Variants in PHF19 observed in about 807,000 individuals in gnomAD.
PHF19 encodes PHD finger protein 19, also known as polycomb like 3.
In PHF19, 21 loss-of-function variants were observed where a neutral mutation model predicts 79.8. The observed-to-expected ratio is 0.26, with a 90% CI of 0.19 to 0.38. The LOEUF (loss-of-function observed/expected upper bound fraction) is 0.38, where lower values mean the gene tolerates loss of function less well. Ranked by LOEUF, PHF19 falls within the 10% of genes least tolerant of loss-of-function variation. The probability of loss-of-function intolerance (pLI) is 1.00; values close to 1 mark genes in which losing one functional copy is unlikely to be tolerated. For synonymous variants in PHF19, 273 were observed against 296.3 expected (o/e 0.92, Z 0.81); for missense variants, 445 against 744.2 (o/e 0.60, Z 4.68).
intron 1 of PHF19, among the ~76,000 whole-genome samples, chr9:120,890,273 C>CT (rs10658749): frequency 0.014 from 1,558 of 115,338 alleles, 38 homozygotes; most frequent in African/African-American, 0.041. Flanking sequence ...AATGAGCCTG[C>CT]TTTTTTTTTT....
In PHF19 at chr9:120,858,173, T is replaced by G. The variant is rs1253815268; in HGVS notation, c.1514A>C (p.Glu505Ala). 6.2e-7 allele frequency: 1 copy of G among 1,608,686 alleles called. No homozygotes were observed. Among genetic ancestry groups the G allele is most frequent in the African/African-American group, 1.3e-5 (1 of 74,972 alleles). ...TGGCCGCTCGGGGACTGAAGCCCCC[T>G]CTGCACTGCTGTCCGAGGGGCAGCG... ...DGRCPSDSSAEGASVPERPDE... is the reference protein window; with the variant it reads ...DGRCPSDSSAAGASVPERPDE... Residue 505 changes from glutamate to alanine, a missense_variant, in exon 15 of 15, where the codon GAG (glutamate) becomes GCG (alanine). By Grantham distance (107) the Glu-to-Ala change is moderately radical (BLOSUM62 -1). Around this residue, in one of 5 missense-constraint regions of PHF19, gnomAD observed 125 missense variants for 180.5 expected, o/e 0.69. Transcript: ENST00000373896.
chr9:120,896,717 T>G (rs2046405907), upstream of PHF19, among the ~76,000 whole-genome samples: 1 of 151,840 alleles, frequency 6.6e-6, no homozygotes, highest in Non-Finnish European at 1.5e-5. Flanking sequence ...CCTCCCAAAG[T>G]GCTGGGATTA....
upstream of PHF19, among the ~76,000 whole-genome samples, chr9:120,880,221 AC>A (rs1220363333): frequency 2.0e-5 from 3 of 152,260 alleles, no homozygotes; most frequent in African/African-American, 7.2e-5. Context: ...TAGGCCAGGC[AC>A]TGTGGCTCAT....
chr9:120,858,169 C>A lies in PHF19; in HGVS notation c.1518G>T (p.Gly506=). ...CGTCTGGCCGCTCGGGGACTGAAGCCCCCTCTGCACTGCTGTCCGAGGGGC... is the reference window on the plus strand; with the variant it reads ...CGTCTGGCCGCTCGGGGACTGAAGCACCCTCTGCACTGCTGTCCGAGGGGC... ...GRCPSDSSAE[G]ASVPERPDEG... Residue 506 remains glycine, a synonymous_variant, in exon 15 of 15, where the codon GGG becomes GGT. Coordinates refer to ENST00000373896, the MANE Select transcript of PHF19 (RefSeq NM_015651.3). 1 of 1,610,636 alleles carries A rather than the reference C, an allele frequency of 6.2e-7. No homozygotes were observed. The highest frequency in any genetic ancestry group is 8.5e-7 in the Non-Finnish European group (1 of 1,177,220).
At chr9:120,894,693 C>G in intron 1 of PHF19, 1 of 466,306 alleles carries the variant, frequency 2.1e-6, no homozygotes, top group Non-Finnish European at 3.3e-6. Flanking sequence ...CCGCTCAATG[C>G]GTTCCATATG....
rs376236757 is a variant in PHF19 at position 120,864,139 on chromosome 9, G to A, written c.901-23C>T. On this transcript the variant is annotated intron_variant, in intron 9 of 14. Transcript: ENST00000373896. ...GAGCTGTGGGAGAGCAGGCCAGCAGGACATCAGACCCAGGCATATGGCGCA... is the reference window on the plus strand; with the variant it reads ...GAGCTGTGGGAGAGCAGGCCAGCAGAACATCAGACCCAGGCATATGGCGCA... The A allele has an allele frequency of 3.1e-6, 5 of 1,609,870 alleles. No homozygotes were observed. In the African/African-American group the frequency reaches 5.3e-5, roughly 17 times the overall value.
At chr9:120,873,789 T>C (rs1292788683) in intron 3 of PHF19, among the ~76,000 whole-genome samples, 190 bp downstream of exon 3, 1 of 152,206 alleles carries the variant, frequency 6.6e-6, no homozygotes, top group Non-Finnish European at 1.5e-5. Flanking sequence ...AGGGGATGAC[T>C]CATGTCCTAA....
chr9:120,896,462 T>G (rs1322589479), upstream of PHF19, among the ~76,000 whole-genome samples: 1 of 145,030 alleles, frequency 6.9e-6, no homozygotes, highest in Non-Finnish European at 1.5e-5. Context: ...TTTTTTTTTT[T>G]TTTTTTTGAG....
chr9:120,866,241 AG>A lies in PHF19; in HGVS notation c.711-146del, dbSNP rs1285269821. 1.0e-5 allele frequency: 7 copies of A among 684,376 alleles called. No individual in the cohort carries two copies. The African/African-American group carries it at 1.1e-4, about 10-fold the overall frequency. The allele number at this position is 684,376 out of a possible 1,614,324, so 42.4% of individuals were successfully genotyped here. ...CTGCTGGCCACTGGGGGTCAAGGAC[AG>A]GGCAGGACAGGGACTAAGAGATACC... On this transcript the variant is annotated intron_variant, in intron 7 of 14. Transcript: ENST00000373896. This position sits in a 1 kb window ranked among gnomAD's most constrained non-coding sequence, Gnocchi z 5.2.
At position 120,860,962 on chromosome 9, in the gene PHF19, T is replaced by G. The variant is rs941703293; in HGVS notation, c.1304+127A>C. 2 of 681,996 alleles carry G rather than the reference T, an allele frequency of 2.9e-6. No homozygotes were observed. Among genetic ancestry groups the G allele is most frequent in the South Asian group, 1.6e-5 (1 of 64,110 alleles). 42.2% of individuals were successfully genotyped at this position (681,996 alleles called of 1,614,324 possible). ...GGAACAGGGATGTTATGCTGAAAGC[T>G]CTACTGCAAAAAGCCCCTTCAGACA... On this transcript the variant is annotated intron_variant, in intron 13 of 14. Coordinates refer to ENST00000373896, the MANE Select transcript of PHF19 (RefSeq NM_015651.3). The surrounding 1 kb of genome is among the most constrained non-coding windows in gnomAD (Gnocchi z 4.1).
In PHF19 at chr9:120,874,486, G is replaced by A; in HGVS notation, c.186+70C>T. The A allele has an allele frequency of 9.3e-7, 1 of 1,069,940 alleles. No individual in the cohort carries two copies. The highest frequency in any genetic ancestry group is 1.4e-6 in the Non-Finnish European group (1 of 709,090). 66.3% of individuals were successfully genotyped at this position (1,069,940 alleles called of 1,614,324 possible). ...CAGCAATCCCCCTGCCCCCTGGTCT[G>A]ACAGCCAGGCTGGAACATGAGCAGA... On this transcript the variant is annotated intron_variant, in intron 2 of 14. Coordinates refer to ENST00000373896, the MANE Select transcript of PHF19 (RefSeq NM_015651.3). This position sits in a 1 kb window ranked among gnomAD's most constrained non-coding sequence, Gnocchi z 4.5.
At position 120,874,915 on chromosome 9, in the gene PHF19, T is replaced by C. The variant is rs925173838; in HGVS notation, c.-15-159A>G. Among the ~76,000 whole-genome samples, 2 of 152,198 alleles carry C rather than the reference T, an allele frequency of 1.3e-5. No individual in the cohort carries two copies. Among genetic ancestry groups the C allele is most frequent in the Non-Finnish European group, 2.9e-5 (2 of 68,036 alleles). On this transcript the variant is annotated intron_variant, in intron 1 of 14. Transcript: ENST00000373896. The surrounding 1 kb of genome is among the most constrained non-coding windows in gnomAD (Gnocchi z 4.5). ...TGACCATCCTATGAGGGAGACATTA[T>C]TATTATTCACATCTTACAGATAGGG...
chr9:120,861,089 CT>C lies in PHF19; in HGVS notation c.1303del (p.Ser435ValfsTer148). 6 of 1,582,336 alleles carry C rather than the reference CT, an allele frequency of 3.8e-6. No individual in the cohort carries two copies. The highest frequency in any genetic ancestry group is 1.3e-5 in the African/African-American group (1 of 74,358). ...TCTGTGCTAGGTCCCTCACTGATAC[CT>C]TTTTAAACTTTGAATTTCATCCAGC... ...FTLDEIQSLKSASSGQTFFSD... is the reference protein window; with the variant it reads ...FTLDEIQSLKXASSGQTFFSD... On this transcript the variant is annotated frameshift_variant and splice_region_variant, in exon 13 of 15. Coordinates refer to ENST00000373896, the MANE Select transcript of PHF19 (RefSeq NM_015651.3). LOFTEE classifies it high-confidence loss of function.
At chr9:120,887,597 C>A (rs908571757) in intron 1 of PHF19, among the ~76,000 whole-genome samples, 1 of 150,732 alleles carries the variant, frequency 6.6e-6, no homozygotes, top group Admixed American at 6.6e-5. Context: ...AAATTAATTT[C>A]TTAAATACAT....
Position 120,870,414 on chromosome 9 carries a change from C to T in PHF19, c.364+29G>A. 6.8e-7 allele frequency: 1 copy of T among 1,467,458 alleles called. No homozygotes were observed. The highest frequency in any genetic ancestry group is 9.6e-7 in the Non-Finnish European group (1 of 1,046,620). 90.9% of individuals were successfully genotyped at this position (1,467,458 alleles called of 1,614,324 possible). A position where few individuals can be genotyped will look rare whatever the true frequency, so the allele number is the denominator to read the frequency against. Reference sequence around the variant, plus strand: ...TGCGTGGGGACCTATAGGTCGGGGCCTTCTCAGGGCCCTGCTCGCTCCACT... The same window carrying T: ...TGCGTGGGGACCTATAGGTCGGGGCTTTCTCAGGGCCCTGCTCGCTCCACT... On this transcript the variant is annotated intron_variant, in intron 4 of 14. Coordinates refer to ENST00000373896, the MANE Select transcript of PHF19 (RefSeq NM_015651.3). This position sits in a 1 kb window ranked among gnomAD's most constrained non-coding sequence, Gnocchi z 4.4.
upstream of PHF19, among the ~76,000 whole-genome samples, chr9:120,878,066 CAA>C (rs2046117398): frequency 6.6e-6 from 1 of 152,138 alleles, no homozygotes. Flanking sequence ...AGTGGGCTAA[CAA>C]TGCAATTTTT....
chr9:120,887,324 C>T (rs1047517579), intron 1 of PHF19, among the ~76,000 whole-genome samples: 5 of 151,412 alleles, frequency 3.3e-5, no homozygotes, highest in African/African-American at 9.7e-5. Context: ...CGTGGTGGCG[C>T]GTGCCTGTAA....
upstream of PHF19, chr9:120,877,257 G>A (rs1469941495): frequency 3.3e-6 from 3 of 906,976 alleles, no homozygotes; most frequent in Non-Finnish European, 2.6e-6. Flanking sequence ...GCGGGGAGGA[G>A]GGGGAGGCGG....
rs1172290120 is a variant in PHF19 at position 120,866,243 on chromosome 9, G to A, written c.711-147C>T. The A allele has an allele frequency of 1.5e-6, 1 of 684,840 alleles. No individual in the cohort carries two copies. Among genetic ancestry groups the A allele is most frequent in the Non-Finnish European group, 2.7e-6 (1 of 370,916 alleles). The allele number at this position is 684,840 out of a possible 1,614,324, so 42.4% of individuals were successfully genotyped here. ...GCTGGCCACTGGGGGTCAAGGACAG[G>A]GCAGGACAGGGACTAAGAGATACCC... On this transcript the variant is annotated intron_variant, in intron 7 of 14. Transcript: ENST00000373896. This position sits in a 1 kb window ranked among gnomAD's most constrained non-coding sequence, Gnocchi z 5.2.
Sources: gnomAD v4.1 joint callset for allele counts (sites outside exome capture counted in the v4.1 genomes callset) on GRCh38, gnomAD v4.1.1 for gene constraint, gnomAD v4.1.1 regional missense constraint, Gnocchi (gnomAD v3.1) non-coding constraint, MANE v1.5 for transcripts, NCBI Gene and HGNC (gene_info 2026-07-23, HGNC 2026-07-21) for gene names.